JAZF1: variants seen among roughly 807,000 people sequenced by gnomAD.
JAZF1 encodes the protein JAZF zinc finger 1, also known as juxtaposed with another zinc finger protein 1.
A neutral mutation model predicts 26.4 loss-of-function variants in JAZF1; 8 were observed. The ratio of observed to expected loss-of-function variants is 0.30; its 90% confidence interval spans 0.18 to 0.55. JAZF1 has a LOEUF of 0.55. Ranked by LOEUF, JAZF1 falls within the 20% of genes least tolerant of loss-of-function variation. JAZF1 has a pLI of 0.94. For missense variants in JAZF1, 199 were observed against 322.0 expected, an observed-to-expected ratio of 0.62 and a Z score of 2.92; for synonymous variants, 126 against 122.3, an observed-to-expected ratio of 1.03 and a Z score of -0.20.
intron 2 of JAZF1, among the ~76,000 whole-genome samples, chr7:27,929,823 G>A (rs1784656771): frequency 6.6e-6 from 1 of 151,936 alleles, no homozygotes; most frequent in Non-Finnish European, 1.5e-5. Context: ...TAATATATGT[G>A]GGAAAAAAGC....
chr7:28,126,089 G>C (rs1399546703), intron 1 of JAZF1, among the ~76,000 whole-genome samples: 1 of 152,162 alleles, frequency 6.6e-6, no homozygotes, highest in African/African-American at 2.4e-5. Context: ...GCATATTCCA[G>C]TAAATGGAGG....
At chr7:28,160,291 G>A (rs1783264253) in intron 1 of JAZF1, among the ~76,000 whole-genome samples, 5 of 152,148 alleles carry the variant, frequency 3.3e-5, no homozygotes, top group African/African-American at 1.2e-4. Flanking sequence ...AACCCAGGCA[G>A]AACTCCGCTG....
At position 28,031,795 on chromosome 7, in the gene JAZF1, T is replaced by C. The variant is rs145824142; in HGVS notation, c.116-39814A>G. On this transcript the variant is annotated intron_variant, in intron 1 of 4. Transcript: ENST00000283928. ...ATGCATGCTGGGCTTAACACCTGAGTGATGGGTTGATAGGTGCAGCAAACC... is the reference window on the plus strand; with the variant it reads ...ATGCATGCTGGGCTTAACACCTGAGCGATGGGTTGATAGGTGCAGCAAACC... Among the ~76,000 whole-genome samples, 637 of 152,160 alleles carry C rather than the reference T, an allele frequency of 4.2e-3. 10 individuals are homozygous for C. Among genetic ancestry groups the C allele is most frequent in the African/African-American group, 0.015 (609 of 41,528 alleles).
intron 1 of JAZF1, among the ~76,000 whole-genome samples, chr7:28,134,952 G>A (rs988648649): frequency 6.6e-6 from 1 of 152,024 alleles, no homozygotes. Context: ...ATATATACAC[G>A]TGCTCAACAG....
intron 1 of JAZF1, among the ~76,000 whole-genome samples, chr7:28,079,038 G>C (rs1784096574): frequency 6.6e-6 from 1 of 151,328 alleles, no homozygotes; most frequent in Non-Finnish European, 1.5e-5. Context: ...GCCCAGGCTG[G>C]AGTGCAAGTG....
At chr7:27,864,649 TATC>T (rs1488846283) in intron 3 of JAZF1, among the ~76,000 whole-genome samples, 1 of 152,068 alleles carries the variant, frequency 6.6e-6, no homozygotes, top group East Asian at 1.9e-4. Flanking sequence ...ACCAAGAAAA[TATC>T]ATCTCCTTTA....
At chr7:28,119,775 T>A (rs76194947) in intron 1 of JAZF1, among the ~76,000 whole-genome samples, 6,437 of 152,292 alleles carry the variant, frequency 0.042, 393 homozygotes, top group African/African-American at 0.14. Flanking sequence ...ACGTGCCAGA[T>A]GCTATTCTGG....
chr7:28,037,413 C>A (rs1461493384), intron 1 of JAZF1, among the ~76,000 whole-genome samples: 1 of 152,122 alleles, frequency 6.6e-6, no homozygotes, highest in East Asian at 1.9e-4. Flanking sequence ...CCCATTTTAA[C>A]CTTGGTCGAG....
intron 3 of JAZF1, among the ~76,000 whole-genome samples, chr7:27,877,787 T>C (rs1415857221): frequency 2.0e-5 from 3 of 152,196 alleles, no homozygotes; most frequent in Admixed American, 6.5e-5. Flanking sequence ...ACGTGGTTTT[T>C]TCACGTCTAC....
intron 1 of JAZF1, among the ~76,000 whole-genome samples, chr7:28,092,015 T>G (rs1271286533): frequency 6.6e-6 from 1 of 152,090 alleles, no homozygotes; most frequent in Non-Finnish European, 1.5e-5. Context: ...ACATTCAACT[T>G]CTAGTGAGAA....
chr7:27,937,122 T>G (rs1389007326), intron 2 of JAZF1, among the ~76,000 whole-genome samples: 1 of 152,212 alleles, frequency 6.6e-6, no homozygotes. Context: ...CAACTAGAGT[T>G]GTCAAAGCCT....
chr7:27,958,669 T>C (rs551559202), intron 2 of JAZF1, among the ~76,000 whole-genome samples: 2 of 152,286 alleles, frequency 1.3e-5, no homozygotes, highest in East Asian at 3.9e-4. Context: ...AGGGGTCCAG[T>C]TCTGTGTGAC....
At position 27,929,661 on chromosome 7, in the gene JAZF1, C is replaced by CCCA. The variant is rs746005705; in HGVS notation, c.189-34246_189-34245insTGG. Reference sequence around the variant, plus strand: ...ACTTAACCTCTTGGGTGAAATTTCTCATGGGTAAAATGAGGTTTATCCCAT... The same window carrying CCCA: ...ACTTAACCTCTTGGGTGAAATTTCTCCCAATGGGTAAAATGAGGTTTATCCCAT... On this transcript the variant is annotated intron_variant, in intron 2 of 4. Transcript: ENST00000283928. 9.2e-5 allele frequency among the ~76,000 whole-genome samples: 14 copies of CCCA among 152,260 alleles called. No homozygotes were observed. In the South Asian group the frequency reaches 2.9e-3, roughly 32 times the overall value.
intron 2 of JAZF1, among the ~76,000 whole-genome samples, chr7:27,905,575 A>G (rs1202918333): frequency 2.7e-5 from 4 of 146,288 alleles, no homozygotes; most frequent in Non-Finnish European, 6.0e-5. Flanking sequence ...TTTTTTTCTT[A>G]TTTTTATTTT....
chr7:27,962,177 G>C (rs1260024208), intron 2 of JAZF1, among the ~76,000 whole-genome samples: 1 of 152,060 alleles, frequency 6.6e-6, no homozygotes, highest in Admixed American at 6.6e-5. Context: ...TTAATTTATT[G>C]AATATTTACC....
intron 1 of JAZF1, among the ~76,000 whole-genome samples, chr7:28,004,979 G>A (rs1229734076): frequency 1.3e-5 from 2 of 152,028 alleles, no homozygotes; most frequent in African/African-American, 4.8e-5. Flanking sequence ...ACTTCACTTG[G>A]GACTCAGGTT....
At chr7:28,123,567 T>C (rs765492466) in intron 1 of JAZF1, among the ~76,000 whole-genome samples, 1 of 152,242 alleles carries the variant, frequency 6.6e-6, no homozygotes, top group Non-Finnish European at 1.5e-5. Flanking sequence ...ACCTTCTCTA[T>C]AGTGTCTGTG....
chr7:27,830,637 T>C lies in JAZF1; in HGVS notation c.*2163A>G. ...TTCATTTACATTTATAAGCAGCTTT[T>C]CTTGACAGGAATTTTGATTAAATTG... On this transcript the variant is annotated 3_prime_UTR_variant, in exon 5 of 5. Transcript: ENST00000283928. 1 of 183,866 alleles carries C rather than the reference T, an allele frequency of 5.4e-6. No homozygotes were observed. The highest frequency in any genetic ancestry group is 1.2e-5 in the Non-Finnish European group (1 of 86,232). The allele number at this position is 183,866 out of a possible 1,614,324, so 11.4% of individuals were successfully genotyped here. A position where few individuals can be genotyped will look rare whatever the true frequency, so the allele number is the denominator to read the frequency against.
chr7:28,094,732 T>A (rs1171144213), intron 1 of JAZF1, among the ~76,000 whole-genome samples: 1 of 152,212 alleles, frequency 6.6e-6, no homozygotes, highest in Admixed American at 6.5e-5. Flanking sequence ...CACTTATTCA[T>A]GTTTTGCTTA....
Sources: allele counts gnomAD v4.1 joint callset (sites outside exome capture counted in the v4.1 genomes callset), GRCh38; gene constraint gnomAD v4.1.1; transcripts MANE v1.5; gene names NCBI Gene and HGNC (gene_info 2026-07-23, HGNC 2026-07-21).